The following ASIC2 variants were observed in gnomAD, a reference collection of about 807,000 sequenced individuals.
The protein encoded by ASIC2 is acid-sensing ion channel 2.
Under a neutral mutation model 57.3 loss-of-function variants are expected in ASIC2, and 25 were observed. That is an observed-to-expected ratio of 0.44 (90% CI 0.32 to 0.61). ASIC2 has a LOEUF of 0.61. Among genes scored for constraint, ASIC2 ranks in the 20% least tolerant of loss-of-function variants. The pLI, the probability that ASIC2 is intolerant of heterozygous loss-of-function variation, is 0.06. For missense variants in ASIC2, 641 were observed against 738.1 expected (o/e 0.87, Z 1.52); for synonymous variants, 319 against 307.5 (o/e 1.04, Z -0.39).
At chr17:33,091,178 G>A (rs930829938) in intron 2 of ASIC2, among the ~76,000 whole-genome samples, 1 of 152,196 alleles carries the variant, frequency 6.6e-6, no homozygotes, top group Non-Finnish European at 1.5e-5. Context: ...TTAGATCTGG[G>A]AGGAGGACTT....
rs374821742 is a variant in ASIC2 at position 33,397,122 on chromosome 17, G to T, written c.556-285055C>A. 2.0e-4 allele frequency among the ~76,000 whole-genome samples: 31 copies of T among 152,326 alleles called. No homozygotes were observed. The South Asian group carries it at 6.2e-3, about 31-fold the overall frequency. ...ACAGGTCCTGCCTAGATTGCTCACT[G>T]CCTGGTGGGAGGCCAGCTGAGAAAA... On this transcript the variant is annotated intron_variant, in intron 1 of 9. Coordinates refer to the ASIC2 transcript ENST00000359872.
chr17:33,889,852 A>T (rs1374878960), intron 1 of ASIC2, among the ~76,000 whole-genome samples: 1 of 152,232 alleles, frequency 6.6e-6, no homozygotes, highest in African/African-American at 2.4e-5. Flanking sequence ...ACCATTAGGA[A>T]CAATTCTTCT....
intron 1 of ASIC2, among the ~76,000 whole-genome samples, chr17:33,806,036 T>G (rs2142149654): frequency 6.6e-6 from 1 of 152,286 alleles, no homozygotes; most frequent in Non-Finnish European, 1.5e-5. Flanking sequence ...TGCACAGCCC[T>G]TCTCACTCAC....
chr17:33,542,506 G>A (rs1421141447), intron 1 of ASIC2, among the ~76,000 whole-genome samples: 2 of 120,284 alleles, frequency 1.7e-5, no homozygotes, highest in Non-Finnish European at 3.4e-5. Context: ...GTGATGATGA[G>A]CATTTTTTCA....
At chr17:33,076,822 T>C (rs2092090797) in intron 3 of ASIC2, among the ~76,000 whole-genome samples, 1 of 152,242 alleles carries the variant, frequency 6.6e-6, no homozygotes, top group Admixed American at 6.5e-5. Flanking sequence ...AGTATAATCA[T>C]CCTTCTATTG....
At chr17:33,850,231 C>A (rs527365165) in intron 1 of ASIC2, among the ~76,000 whole-genome samples, 196 of 152,258 alleles carry the variant, frequency 1.3e-3, no homozygotes, top group African/African-American at 4.6e-3. Flanking sequence ...GACAAATGAA[C>A]CTGTGCTGTA....
chr17:34,098,796 A>G (rs1378304564), intron 1 of ASIC2, among the ~76,000 whole-genome samples: 1 of 152,104 alleles, frequency 6.6e-6, no homozygotes, highest in Non-Finnish European at 1.5e-5. Context: ...TCTCTTATGA[A>G]ACCTCTACCC....
chr17:33,655,005 T>C (rs1907033503), intron 1 of ASIC2, among the ~76,000 whole-genome samples: 2 of 152,152 alleles, frequency 1.3e-5, no homozygotes, highest in African/African-American at 4.8e-5. Context: ...TCCTAAGTCT[T>C]GAAAAAGCAG....
At chr17:33,424,948 T>C (rs564541196) in intron 1 of ASIC2, among the ~76,000 whole-genome samples, 1 of 152,296 alleles carries the variant, frequency 6.6e-6, no homozygotes, top group African/African-American at 2.4e-5. Context: ...TCTCTTGGAG[T>C]GCCCAGAGAT....
At chr17:33,710,891 C>T (rs142291460) in intron 1 of ASIC2, among the ~76,000 whole-genome samples, 17 of 152,196 alleles carry the variant, frequency 1.1e-4, no homozygotes, top group East Asian at 9.7e-4. Flanking sequence ...AATAAGATGA[C>T]GCTATTTTGT....
chr17:33,801,641 G>A (rs1438273311), intron 1 of ASIC2, among the ~76,000 whole-genome samples: 1 of 152,126 alleles, frequency 6.6e-6, no homozygotes, highest in African/African-American at 2.4e-5. Context: ...TAATACATTC[G>A]AGACGCTTAG....
chr17:33,425,979 G>T (rs1258719857), intron 1 of ASIC2, among the ~76,000 whole-genome samples: 5 of 152,182 alleles, frequency 3.3e-5, no homozygotes, highest in Non-Finnish European at 7.4e-5. Flanking sequence ...TCTGGAGAGA[G>T]AGGGGCTAGT....
chr17:34,039,882 C>T, intron 1 of ASIC2: 4 of 1,576,336 alleles, frequency 2.5e-6, no homozygotes, highest in South Asian at 1.1e-5. Flanking sequence ...TTTCTACTGC[C>T]GCCGCCGCCG....
At position 33,970,504 on chromosome 17, in the gene ASIC2, G is replaced by T. The variant is rs1385717846; in HGVS notation, c.555+185474C>A. On this transcript the variant is annotated intron_variant, in intron 1 of 9. Transcript: ENST00000359872. Reference sequence around the variant, plus strand: ...ATCTATGGGCAGAGGAAGTTAAGCAGCAGCCGTGGCATCACAGTTGGACTA... The same window carrying T: ...ATCTATGGGCAGAGGAAGTTAAGCATCAGCCGTGGCATCACAGTTGGACTA... Among the ~76,000 whole-genome samples, 5 of 152,210 alleles carry T rather than the reference G, an allele frequency of 3.3e-5. No homozygotes were observed. In the East Asian group the frequency reaches 9.6e-4, roughly 29 times the overall value.
intron 1 of ASIC2, among the ~76,000 whole-genome samples, chr17:33,579,529 CG>C (rs1306290614): frequency 3.9e-5 from 6 of 152,096 alleles, no homozygotes; most frequent in African/African-American, 1.2e-4. Flanking sequence ...GGTGGGTTCT[CG>C]GTCTCCCTGC....
chr17:34,042,208 C>T (rs956965332), intron 1 of ASIC2, among the ~76,000 whole-genome samples: 1 of 152,140 alleles, frequency 6.6e-6, no homozygotes, highest in African/African-American at 2.4e-5. Flanking sequence ...TATGACACAG[C>T]CCTTTCACCT....
chr17:33,522,809 C>T (rs988475348), intron 1 of ASIC2, among the ~76,000 whole-genome samples: 2 of 152,352 alleles, frequency 1.3e-5, no homozygotes, highest in African/African-American at 2.4e-5. Flanking sequence ...GCGCCACCTC[C>T]AGTGCAGACA....
At chr17:33,989,461 G>A (rs1178365033) in intron 1 of ASIC2, among the ~76,000 whole-genome samples, 1 of 152,032 alleles carries the variant, frequency 6.6e-6, no homozygotes, top group African/African-American at 2.4e-5. Flanking sequence ...AAGGAGATCG[G>A]GGCCAGACTG....
chr17:33,880,812 G>T (rs1218648631), intron 1 of ASIC2, among the ~76,000 whole-genome samples: 1 of 152,108 alleles, frequency 6.6e-6, no homozygotes, highest in Non-Finnish European at 1.5e-5. Context: ...AACAAAAAAA[G>T]AGAATTTTAG....
Sources: allele counts gnomAD v4.1 joint callset (sites outside exome capture counted in the v4.1 genomes callset), GRCh38; gene constraint gnomAD v4.1.1; transcripts MANE v1.5; gene names NCBI Gene and HGNC (gene_info 2026-07-23, HGNC 2026-07-21).